ALDH1A2: variants seen among roughly 807,000 people sequenced by gnomAD.
ALDH1A2 encodes retinal dehydrogenase 2.
In ALDH1A2, 27 loss-of-function variants were observed where a neutral mutation model predicts 60.3. The observed-to-expected ratio is 0.45, with a 90% CI of 0.33 to 0.62. ALDH1A2 has a LOEUF of 0.62. ALDH1A2 is among the 20% of genes least tolerant of loss of function. The pLI, the probability that ALDH1A2 is intolerant of heterozygous loss-of-function variation, is 0.02. For missense variants in ALDH1A2, 581 were observed against 643.8 expected (o/e 0.90, Z 1.06); for synonymous variants, 289 against 232.4 (o/e 1.24, Z -2.21).
intron 1 of ALDH1A2, among the ~76,000 whole-genome samples, chr15:58,016,380 G>T (rs1346179410): frequency 4.6e-5 from 7 of 151,998 alleles, no homozygotes; most frequent in African/African-American, 1.7e-4. Flanking sequence ...CTGACCTCAG[G>T]TGATCTGCCT....
intron 1 of ALDH1A2, among the ~76,000 whole-genome samples, chr15:58,024,269 G>C (rs1227643696): frequency 2.0e-5 from 3 of 151,864 alleles, no homozygotes; most frequent in African/African-American, 7.3e-5. Flanking sequence ...AACCAGAAAA[G>C]AGATATAATG....
At chr15:57,986,304 C>A (rs1185911602) in intron 7 of ALDH1A2, among the ~76,000 whole-genome samples, 7 of 152,050 alleles carry the variant, frequency 4.6e-5, no homozygotes, top group African/African-American at 1.7e-4. Flanking sequence ...GGTCTGAATT[C>A]TGACCAGACA....
At chr15:58,058,070 T>C in intron 1 of ALDH1A2, 1 of 1,534,160 alleles carries the variant, frequency 6.5e-7, no homozygotes, top group Non-Finnish European at 8.7e-7. Context: ...CTTCATCTTC[T>C]CCCAAAAAGG....
intron 1 of ALDH1A2, among the ~76,000 whole-genome samples, chr15:58,046,615 T>C (rs1310436031): frequency 6.6e-6 from 1 of 152,054 alleles, no homozygotes; most frequent in Non-Finnish European, 1.5e-5. Flanking sequence ...TGAGCTTTGT[T>C]TCCTCCTCCG....
intron 1 of ALDH1A2, among the ~76,000 whole-genome samples, chr15:58,044,214 T>G (rs1335284785): frequency 6.6e-6 from 1 of 151,958 alleles, no homozygotes; most frequent in Non-Finnish European, 1.5e-5. Context: ...TAGGTATACA[T>G]GTGCCATGGT....
rs1460958021 is a variant in ALDH1A2 at position 57,954,462 on chromosome 15, C to CA, written c.*734dup. ...GAAGGAATCTAATACACACACACCCCAAAACTGCAGCAAGCTCAGAAGCGG... is the reference window on the plus strand; with the variant it reads ...GAAGGAATCTAATACACACACACCCCAAAAACTGCAGCAAGCTCAGAAGCGG... On this transcript the variant is annotated 3_prime_UTR_variant, in exon 13 of 13. Coordinates refer to ENST00000249750, the MANE Select transcript of ALDH1A2 (RefSeq NM_003888.4). 6.5e-6 allele frequency: 1 copy of CA among 153,494 alleles called. No individual in the cohort carries two copies. Among genetic ancestry groups the CA allele is most frequent in the East Asian group, 1.9e-4 (1 of 5,314 alleles). The allele number at this position is 153,494 out of a possible 1,614,324, so 9.5% of individuals were successfully genotyped here.
chr15:58,012,781 G>C (rs1342525960), intron 3 of ALDH1A2, among the ~76,000 whole-genome samples: 3 of 152,024 alleles, frequency 2.0e-5, no homozygotes, highest in African/African-American at 7.2e-5. Flanking sequence ...ATGGTAGGAG[G>C]GACACTGAGA....
chr15:57,986,706 C>A (rs1385857538), intron 7 of ALDH1A2, among the ~76,000 whole-genome samples: 2 of 151,870 alleles, frequency 1.3e-5, no homozygotes, highest in Non-Finnish European at 2.9e-5. Context: ...GAGTCTCACT[C>A]CCGTCGCCCA....
At chr15:57,974,687 G>A (rs892692694) in intron 7 of ALDH1A2, among the ~76,000 whole-genome samples, 2 of 152,094 alleles carry the variant, frequency 1.3e-5, no homozygotes, top group Non-Finnish European at 2.9e-5. Context: ...AAAAGCATAT[G>A]AGAAAGTCTT....
At chr15:58,018,027 C>A (rs1895831865) in intron 1 of ALDH1A2, among the ~76,000 whole-genome samples, 1 of 152,136 alleles carries the variant, frequency 6.6e-6, no homozygotes, top group Non-Finnish European at 1.5e-5. Context: ...TTGCAGCTCT[C>A]TAGGCAATGT....
chr15:57,972,079 ATTATT>A (rs1177986935), intron 7 of ALDH1A2, among the ~76,000 whole-genome samples: 6 of 152,160 alleles, frequency 3.9e-5, no homozygotes, highest in Non-Finnish European at 5.9e-5. Flanking sequence ...TTTCACAAAC[ATTATT>A]TTATTTAATC....
chr15:58,023,787 C>T lies in ALDH1A2; in HGVS notation c.118-9506G>A, dbSNP rs562143354. Reference sequence around the variant, plus strand: ...GGAATTCATTACCACTAGGACTGACCCTACAAGAAATGCTCAAAATAGGGC... The same window carrying T: ...GGAATTCATTACCACTAGGACTGACTCTACAAGAAATGCTCAAAATAGGGC... On this transcript the variant is annotated intron_variant, in intron 1 of 12. Transcript: ENST00000249750. 1.4e-3 allele frequency among the ~76,000 whole-genome samples: 212 copies of T among 152,198 alleles called. 2 individuals carry two copies. Among genetic ancestry groups the T allele is most frequent in the African/African-American group, 4.9e-3 (203 of 41,520 alleles).
At chr15:58,005,302 T>G (rs1463918991) in intron 4 of ALDH1A2, among the ~76,000 whole-genome samples, 7 of 152,022 alleles carry the variant, frequency 4.6e-5, no homozygotes, top group African/African-American at 1.4e-4. Flanking sequence ...CCAAATTTCA[T>G]GCTTCCATAT....
At chr15:57,996,644 A>G (rs1895075163) in intron 4 of ALDH1A2, among the ~76,000 whole-genome samples, 1 of 151,932 alleles carries the variant, frequency 6.6e-6, no homozygotes, top group African/African-American at 2.4e-5. Context: ...TATTATAAAT[A>G]ATGCTGCAAA....
chr15:58,045,273 G>C (rs1595687432), intron 1 of ALDH1A2, among the ~76,000 whole-genome samples: 2 of 152,156 alleles, frequency 1.3e-5, no homozygotes, highest in Admixed American at 1.3e-4. Context: ...TGGAGAAACA[G>C]GAGCACTTTT....
At chr15:58,064,241 C>T (rs567246188) in intron 1 of ALDH1A2, among the ~76,000 whole-genome samples, 3 of 152,274 alleles carry the variant, frequency 2.0e-5, no homozygotes, top group South Asian at 2.1e-4. Flanking sequence ...TATTGTTATG[C>T]AAACAATGCC....
At chr15:57,970,411 C>G (rs1474523519) in intron 7 of ALDH1A2, among the ~76,000 whole-genome samples, 15 of 152,188 alleles carry the variant, frequency 9.9e-5, no homozygotes, top group Non-Finnish European at 1.9e-4. Context: ...AACTCTGACT[C>G]CCATCCTCGT....
At chr15:57,985,785 A>G (rs1894680087) in intron 7 of ALDH1A2, among the ~76,000 whole-genome samples, 1 of 152,208 alleles carries the variant, frequency 6.6e-6, no homozygotes, top group Non-Finnish European at 1.5e-5. Context: ...ATCTTCATAT[A>G]TGACCAGAAA....
At chr15:57,971,277 CCT>C (rs1481946756) in intron 7 of ALDH1A2, among the ~76,000 whole-genome samples, 1 of 152,212 alleles carries the variant, frequency 6.6e-6, no homozygotes, top group Non-Finnish European at 1.5e-5. Flanking sequence ...TCTTTCACCT[CCT>C]CTGAGAAGGT....
Sources: allele counts gnomAD v4.1 joint callset (sites outside exome capture counted in the v4.1 genomes callset), GRCh38; gene constraint gnomAD v4.1.1; transcripts MANE v1.5; gene names NCBI Gene and HGNC (gene_info 2026-07-23, HGNC 2026-07-21).